CTNND2: variants seen among roughly 807,000 people sequenced by gnomAD.
CTNND2 encodes the protein catenin delta 2.
A neutral mutation model predicts 144.4 loss-of-function variants in CTNND2; 22 were observed. The observed-to-expected ratio is 0.15, with a 90% CI of 0.11 to 0.22. The LOEUF (loss-of-function observed/expected upper bound fraction) is 0.22. Among genes scored for constraint, CTNND2 ranks in the 10% least tolerant of loss-of-function variants. The pLI, the probability that CTNND2 is intolerant of heterozygous loss-of-function variation, is 1.00. For missense variants in CTNND2, 1,353 were observed against 1,618.8 expected (o/e 0.84, Z 2.82); for synonymous variants, 751 against 695.6 (o/e 1.08, Z -1.25).
At chr5:11,412,615 A>T (rs980401590) in intron 3 of CTNND2, among the ~76,000 whole-genome samples, 2 of 152,162 alleles carry the variant, frequency 1.3e-5, no homozygotes, top group African/African-American at 4.8e-5. Flanking sequence ...AATACATCTT[A>T]TGAAATGACC....
At chr5:11,121,848 T>C (rs1754176345) in intron 12 of CTNND2, among the ~76,000 whole-genome samples, 1 of 152,184 alleles carries the variant, frequency 6.6e-6, no homozygotes, top group Non-Finnish European at 1.5e-5. Context: ...GAATGAGATA[T>C]TGGGTAATCA....
intron 2 of CTNND2, among the ~76,000 whole-genome samples, chr5:11,709,049 T>C (rs1002495917): frequency 3.3e-5 from 5 of 152,184 alleles, no homozygotes; most frequent in Non-Finnish European, 5.9e-5. Flanking sequence ...AAGTGAAAAC[T>C]AGGTATCCTG....
At chr5:11,543,319 A>G (rs1240684480) in intron 3 of CTNND2, among the ~76,000 whole-genome samples, 3 of 152,176 alleles carry the variant, frequency 2.0e-5, no homozygotes, top group Non-Finnish European at 4.4e-5. Flanking sequence ...CCACAGATAC[A>G]GACATTCCTT....
chr5:11,900,013 T>C (rs1298162277), intron 1 of CTNND2, among the ~76,000 whole-genome samples: 1 of 151,876 alleles, frequency 6.6e-6, no homozygotes, highest in African/African-American at 2.4e-5. Context: ...TATAACGTGT[T>C]TGTGTGTGTG....
At chr5:11,143,556 C>T (rs2149738796) in intron 12 of CTNND2, among the ~76,000 whole-genome samples, 1 of 152,296 alleles carries the variant, frequency 6.6e-6, no homozygotes, top group South Asian at 2.1e-4. Context: ...CCAAATTTCC[C>T]ATTTTTGTAA....
chr5:11,556,446 T>G (rs1283529364), intron 3 of CTNND2, among the ~76,000 whole-genome samples: 2 of 152,168 alleles, frequency 1.3e-5, no homozygotes, highest in Non-Finnish European at 2.9e-5. Context: ...CTCATGAAAA[T>G]TCACATTTAT....
At position 11,614,638 on chromosome 5, in the gene CTNND2, C is replaced by G. The variant is rs188208482; in HGVS notation, c.175-49582G>C. On this transcript the variant is annotated intron_variant, in intron 2 of 21. Transcript: ENST00000304623. ...CAGAAACTCAGAAGCAGTCCAAATG[C>G]TCATTGAGGAAAGAATGGATGAATT... 5.3e-5 allele frequency among the ~76,000 whole-genome samples: 8 copies of G among 152,304 alleles called. No individual in the cohort carries two copies. The East Asian group carries it at 1.5e-3, about 29-fold the overall frequency.
intron 1 of CTNND2, among the ~76,000 whole-genome samples, chr5:11,842,173 T>A (rs1056620281): frequency 6.6e-6 from 1 of 152,070 alleles, no homozygotes; most frequent in Non-Finnish European, 1.5e-5. Flanking sequence ...AGTCCCCTTT[T>A]TTCTCTGAAA....
chr5:11,801,460 A>G (rs1581907746), intron 1 of CTNND2, among the ~76,000 whole-genome samples: 2 of 152,182 alleles, frequency 1.3e-5, no homozygotes, highest in East Asian at 3.9e-4. Flanking sequence ...TTGAATAGGC[A>G]CAGAGATGTG....
At chr5:11,268,460 C>G (rs1745672878) in intron 9 of CTNND2, among the ~76,000 whole-genome samples, 1 of 152,066 alleles carries the variant, frequency 6.6e-6, no homozygotes, top group African/African-American at 2.4e-5. Context: ...TGGCATGCAC[C>G]TGCAGTCTCA....
chr5:11,318,675 T>G (rs1751739112), intron 9 of CTNND2, among the ~76,000 whole-genome samples: 1 of 152,142 alleles, frequency 6.6e-6, no homozygotes, highest in Non-Finnish European at 1.5e-5. Flanking sequence ...CCCTTTCCCT[T>G]TGACACCACT....
At chr5:11,461,616 T>C (rs181603092) in intron 3 of CTNND2, among the ~76,000 whole-genome samples, 144 of 152,324 alleles carry the variant, frequency 9.5e-4, no homozygotes, top group African/African-American at 3.3e-3. Flanking sequence ...CCTATGCATC[T>C]TGAGCATGTT....
At chr5:11,670,334 A>C (rs1008971941) in intron 2 of CTNND2, among the ~76,000 whole-genome samples, 17 of 152,126 alleles carry the variant, frequency 1.1e-4, no homozygotes, top group African/African-American at 3.9e-4. Flanking sequence ...GATCTGTCCA[A>C]TACTGACAGT....
chr5:11,214,974 C>T (rs1010370041), intron 10 of CTNND2, among the ~76,000 whole-genome samples: 1 of 152,214 alleles, frequency 6.6e-6, no homozygotes, highest in Non-Finnish European at 1.5e-5. Flanking sequence ...CCGCTTCCAT[C>T]CTCACCCAGA....
At chr5:11,070,579 C>T (rs910748094) in intron 16 of CTNND2, among the ~76,000 whole-genome samples, 1 of 152,076 alleles carries the variant, frequency 6.6e-6, no homozygotes, top group African/African-American at 2.4e-5. Flanking sequence ...AATGACCAAG[C>T]ATCTTGAAAG....
At chr5:11,544,813 G>A (rs765644254) in intron 3 of CTNND2, among the ~76,000 whole-genome samples, 1 of 151,964 alleles carries the variant, frequency 6.6e-6, no homozygotes, top group Non-Finnish European at 1.5e-5. Flanking sequence ...TGAAATCTCT[G>A]TCTCCACTAA....
intron 1 of CTNND2, among the ~76,000 whole-genome samples, chr5:11,777,674 G>C (rs1051839023): frequency 1.3e-5 from 2 of 152,102 alleles, no homozygotes; most frequent in African/African-American, 4.8e-5. Flanking sequence ...ATGCTTGCTA[G>C]GCAAAAACAA....
intron 9 of CTNND2, among the ~76,000 whole-genome samples, chr5:11,315,657 T>C (rs1200157508): frequency 6.6e-6 from 1 of 152,238 alleles, no homozygotes; most frequent in Non-Finnish European, 1.5e-5. Context: ...TTAATAATTC[T>C]GAGAGCTAAT....
At chr5:11,391,409 A>T (rs550621612) in intron 6 of CTNND2, among the ~76,000 whole-genome samples, 1 of 152,246 alleles carries the variant, frequency 6.6e-6, no homozygotes, top group South Asian at 2.1e-4. Flanking sequence ...CCAACTCCAA[A>T]ATGCTTACAG....
Sources: gnomAD v4.1 joint callset for allele counts (sites outside exome capture counted in the v4.1 genomes callset) on GRCh38, gnomAD v4.1.1 for gene constraint, MANE v1.5 for transcripts, NCBI Gene and HGNC (gene_info 2026-07-23, HGNC 2026-07-21) for gene names.